Variants in LPP observed in about 807,000 individuals in gnomAD.
LPP encodes the protein LIM domain containing preferred translocation partner in lipoma.
In LPP, 38 loss-of-function variants were observed where a neutral mutation model predicts 60.4. The observed-to-expected ratio is 0.63, with a 90% CI of 0.49 to 0.83. The LOEUF (loss-of-function observed/expected upper bound fraction) is 0.83. Ranked by LOEUF, LPP falls within the 40% of genes least tolerant of loss-of-function variation. The pLI is 0.00. For synonymous variants in LPP, 328 were observed against 290.8 expected (o/e 1.13, Z -1.30); for missense variants, 902 against 783.6 (o/e 1.15, Z -1.80).
chr3:188,693,576 G>A (rs535748631), intron 7 of LPP, among the ~76,000 whole-genome samples: 3 of 152,254 alleles, frequency 2.0e-5, no homozygotes, highest in South Asian at 4.1e-4. Context: ...CCATAGGGCT[G>A]CATAGACTGA....
chr3:188,870,982 T>G (rs994054334), intron 10 of LPP, among the ~76,000 whole-genome samples: 3 of 152,140 alleles, frequency 2.0e-5, no homozygotes, highest in Non-Finnish European at 4.4e-5. Context: ...CCAACTTTTT[T>G]TTTCTGCACC....
chr3:188,299,598 C>G (rs1226481721), intron 2 of LPP, among the ~76,000 whole-genome samples: 1 of 152,098 alleles, frequency 6.6e-6, no homozygotes, highest in African/African-American at 2.4e-5. Flanking sequence ...TTTTAAAGTT[C>G]TTGAATAGTC....
chr3:188,770,443 G>A (rs1735589957), intron 9 of LPP, among the ~76,000 whole-genome samples: 2 of 149,710 alleles, frequency 1.3e-5, no homozygotes, highest in African/African-American at 4.9e-5. Flanking sequence ...CGCCTGCCTT[G>A]GCCTCCCAAA....
At chr3:188,522,298 G>A (rs779558106) in intron 5 of LPP, among the ~76,000 whole-genome samples, 3 of 152,096 alleles carry the variant, frequency 2.0e-5, no homozygotes, top group Non-Finnish European at 2.9e-5. Flanking sequence ...TTCAAATCTG[G>A]GCCGTCCAGC....
At chr3:188,361,521 C>CCTCTG (rs1379525848) in intron 3 of LPP, among the ~76,000 whole-genome samples, 3 of 120,602 alleles carry the variant, frequency 2.5e-5, no homozygotes, top group Non-Finnish European at 5.2e-5. Flanking sequence ...CCTCTCCTCT[C>CCTCTG]CTCTCCTCTC....
intron 1 of LPP, among the ~76,000 whole-genome samples, chr3:188,172,825 C>T (rs1459108265): frequency 6.6e-6 from 1 of 152,148 alleles, no homozygotes; most frequent in Non-Finnish European, 1.5e-5. Flanking sequence ...CCAGGATACC[C>T]AGTTTAGGAT....
At chr3:188,387,490 A>C (rs572914672) in intron 3 of LPP, among the ~76,000 whole-genome samples, 9 of 151,900 alleles carry the variant, frequency 5.9e-5, no homozygotes, top group African/African-American at 1.7e-4. Context: ...ATTAACATTT[A>C]TGCATAAATG....
At chr3:188,393,683 C>T (rs779499422) in intron 3 of LPP, among the ~76,000 whole-genome samples, 3 of 152,166 alleles carry the variant, frequency 2.0e-5, no homozygotes, top group African/African-American at 4.8e-5. Flanking sequence ...TGAATTAAAA[C>T]GATTCGAAAC....
intron 1 of LPP, among the ~76,000 whole-genome samples, chr3:188,157,994 A>C (rs1287143664): frequency 6.6e-6 from 1 of 152,194 alleles, no homozygotes; most frequent in Non-Finnish European, 1.5e-5. Flanking sequence ...GAGGGCCTTT[A>C]CTTTTTAATA....
intron 7 of LPP, among the ~76,000 whole-genome samples, chr3:188,680,716 A>C (rs1251452374): frequency 6.6e-6 from 1 of 152,230 alleles, no homozygotes; most frequent in African/African-American, 2.4e-5. Context: ...CAACAGAGGA[A>C]GATGACTTTA....
At chr3:188,570,140 A>G (rs1030630370) in intron 6 of LPP, among the ~76,000 whole-genome samples, 4 of 151,906 alleles carry the variant, frequency 2.6e-5, no homozygotes, top group African/African-American at 9.7e-5. Flanking sequence ...TCTATTCATA[A>G]TTTGATGCAG....
chr3:188,828,938 C>T (rs937805850), intron 9 of LPP, among the ~76,000 whole-genome samples: 12 of 152,058 alleles, frequency 7.9e-5, no homozygotes, highest in Non-Finnish European at 1.5e-4. Context: ...TATCTGACTT[C>T]GTGCCTCTAG....
intron 9 of LPP, among the ~76,000 whole-genome samples, chr3:188,766,622 T>C (rs1191646515): frequency 6.6e-6 from 1 of 152,294 alleles, no homozygotes; most frequent in South Asian, 2.1e-4. Context: ...GGGCCTCTGA[T>C]TCCCAAGGCC....
At chr3:188,488,917 A>G (rs369675322) in intron 5 of LPP, among the ~76,000 whole-genome samples, 15 of 152,098 alleles carry the variant, frequency 9.9e-5, no homozygotes, top group Non-Finnish European at 1.3e-4. Flanking sequence ...GATTACAGGC[A>G]TGATCCACCG....
rs763709670 is a variant in LPP at position 188,708,218 on chromosome 3, T to C, written c.1114-49T>C. 47 of 1,603,724 alleles carry C rather than the reference T, an allele frequency of 2.9e-5. 1 individual carries two copies. In the South Asian group the frequency reaches 5.1e-4, roughly 17 times the overall value. On this transcript the variant is annotated intron_variant, in intron 7 of 11. Coordinates refer to ENST00000617246, the MANE Select transcript of LPP (RefSeq NM_001375462.1). Reference sequence around the variant, plus strand: ...TGCTTGTTTAGGCTGACTGCCTTGGTTGATGGTCTAGGTGGCAATTAAAGG... The same window carrying C: ...TGCTTGTTTAGGCTGACTGCCTTGGCTGATGGTCTAGGTGGCAATTAAAGG...
At chr3:188,650,414 G>T (rs1851855904) in intron 7 of LPP, among the ~76,000 whole-genome samples, 1 of 152,124 alleles carries the variant, frequency 6.6e-6, no homozygotes, top group South Asian at 2.1e-4. Context: ...CTAGCATAAA[G>T]CGGGGACATA....
At chr3:188,161,177 T>C (rs147293345) in intron 1 of LPP, among the ~76,000 whole-genome samples, 1 of 152,190 alleles carries the variant, frequency 6.6e-6, no homozygotes, top group Non-Finnish European at 1.5e-5. Flanking sequence ...AAGGCTTTTA[T>C]TATTATTATA....
intron 1 of LPP, among the ~76,000 whole-genome samples, chr3:188,199,703 T>G (rs1730518631): frequency 6.6e-6 from 1 of 151,928 alleles, no homozygotes; most frequent in Non-Finnish European, 1.5e-5. Flanking sequence ...GAGTTCTAGG[T>G]CTATTTTGGA....
intron 1 of LPP, among the ~76,000 whole-genome samples, chr3:188,178,321 TCTC>T (rs995342936): frequency 2.6e-5 from 4 of 152,198 alleles, no homozygotes; most frequent in African/African-American, 9.6e-5. Flanking sequence ...AAGTCCTAGT[TCTC>T]CTCCTCACGC....
Sources: gnomAD v4.1 joint callset for allele counts (sites outside exome capture counted in the v4.1 genomes callset) on GRCh38, gnomAD v4.1.1 for gene constraint, MANE v1.5 for transcripts, NCBI Gene and HGNC (gene_info 2026-07-23, HGNC 2026-07-21) for gene names.